The following BLMH variants were observed in gnomAD, a reference collection of about 807,000 sequenced individuals.
BLMH encodes BLM hydrolase.
Under a neutral mutation model 61.6 loss-of-function variants are expected in BLMH, and 32 were observed. That is an observed-to-expected ratio of 0.52 (90% CI 0.39 to 0.70). The LOEUF is 0.70. BLMH is among the 30% of genes least tolerant of loss of function. BLMH has a pLI of 0.00. For synonymous variants in BLMH, 183 were observed against 193.8 expected, an observed-to-expected ratio of 0.94 and a Z score of 0.46; for missense variants, 460 against 555.5, an observed-to-expected ratio of 0.83 and a Z score of 1.73.
intron 11 of BLMH, among the ~76,000 whole-genome samples, chr17:30,257,734 G>A (rs145057518): frequency 6.6e-6 from 1 of 152,290 alleles, no homozygotes; most frequent in East Asian, 1.9e-4. Context: ...CAACAATGCT[G>A]TGAGGAAAGA....
intron 6 of BLMH, among the ~76,000 whole-genome samples, chr17:30,280,826 T>C (rs967594346): frequency 6.6e-6 from 1 of 152,040 alleles, no homozygotes; most frequent in African/African-American, 2.4e-5. Flanking sequence ...GTCTCAAAGG[T>C]AAAACGACCT....
chr17:30,275,996 C>CT (rs1444990904), intron 6 of BLMH, among the ~76,000 whole-genome samples: 1 of 152,074 alleles, frequency 6.6e-6, no homozygotes, highest in Admixed American at 6.6e-5. Context: ...ATAATACCCT[C>CT]TCAAGGTATA....
At chr17:30,260,120 A>C (rs150990553) in intron 11 of BLMH, among the ~76,000 whole-genome samples, 10 of 152,248 alleles carry the variant, frequency 6.6e-5, no homozygotes, top group Admixed American at 6.5e-4. Flanking sequence ...GATAGGTCCA[A>C]TTATTATCCC....
chr17:30,281,960 T>C lies in BLMH; in HGVS notation c.645+3428A>G, dbSNP rs148003081. 1.1e-4 allele frequency among the ~76,000 whole-genome samples: 16 copies of C among 152,364 alleles called. No individual in the cohort carries two copies. The East Asian group carries it at 2.9e-3, about 28-fold the overall frequency. ...GGCCTATCCTATATATTGTTTTCAA[T>C]AGCTGACAGCCACTGCTATAGAATT... is the stretch of plus-strand genomic sequence containing the variant. On this transcript the variant is annotated intron_variant, in intron 6 of 11. Transcript: ENST00000261714.
At chr17:30,285,281 A>T in intron 6 of BLMH, 107 bp downstream of exon 6, 2 of 764,046 alleles carry the variant, frequency 2.6e-6, no homozygotes, top group Non-Finnish European at 4.1e-6. Context: ...CAATTCAATT[A>T]AACATTCGTT....
At chr17:30,262,829 CTAAA>C (rs2143020706) in intron 11 of BLMH, among the ~76,000 whole-genome samples, 1 of 152,198 alleles carries the variant, frequency 6.6e-6, no homozygotes, top group Non-Finnish European at 1.5e-5. Context: ...AAAAAAACAA[CTAAA>C]TAACCTTATT....
intron 5 of BLMH, 61 bp downstream of exon 5, chr17:30,286,753 A>T: frequency 7.8e-7 from 1 of 1,276,790 alleles, no homozygotes; most frequent in Non-Finnish European, 1.1e-6. Context: ...AACCCCTTTT[A>T]AAAAATAAGT....
chr17:30,284,949 G>A (rs962113346), intron 6 of BLMH, among the ~76,000 whole-genome samples: 1 of 152,138 alleles, frequency 6.6e-6, no homozygotes, highest in Non-Finnish European at 1.5e-5. Context: ...TCTTCCCTAT[G>A]AAAGCTTCAG....
intron 6 of BLMH, among the ~76,000 whole-genome samples, chr17:30,283,054 G>A (rs1290069932): frequency 6.6e-6 from 1 of 152,112 alleles, no homozygotes; most frequent in Non-Finnish European, 1.5e-5. Flanking sequence ...TGTAGTCCCA[G>A]CTACTTGGGT....
intron 3 of BLMH, 65 bp from the exon 4 acceptor site, chr17:30,288,012 T>G: frequency 6.8e-7 from 1 of 1,473,438 alleles, no homozygotes; most frequent in Non-Finnish European, 9.3e-7. Flanking sequence ...ATTGGCATTA[T>G]CAACAGAATG....
At position 30,287,254 on chromosome 17, in the gene BLMH, T is replaced by C. The variant is rs562419908; in HGVS notation, c.464-352A>G. 2.0e-5 allele frequency among the ~76,000 whole-genome samples: 3 copies of C among 152,300 alleles called. No homozygotes were observed. The East Asian group carries it at 5.8e-4, about 29-fold the overall frequency. On this transcript the variant is annotated intron_variant, in intron 4 of 11. Transcript: ENST00000261714. The stretch of plus-strand genomic sequence containing the variant: ...GTTACCCAGGCTGGTACTGAGCTCC[T>C]GGGCTTGAGCAATCCTCCTGCCCTG...
At chr17:30,261,092 A>G (rs1202623778) in intron 11 of BLMH, among the ~76,000 whole-genome samples, 1 of 152,184 alleles carries the variant, frequency 6.6e-6, no homozygotes, top group Non-Finnish European at 1.5e-5. Flanking sequence ...CTGGCCCAAC[A>G]TTGCCTAGTT....
At chr17:30,260,707 C>T (rs1017345226) in intron 11 of BLMH, among the ~76,000 whole-genome samples, 4 of 151,722 alleles carry the variant, frequency 2.6e-5, no homozygotes, top group African/African-American at 7.3e-5. Context: ...GGTGAAACAC[C>T]GTCTCTATTA....
chr17:30,291,047 G>C (rs1231880375), intron 2 of BLMH: 2 of 487,134 alleles, frequency 4.1e-6, no homozygotes, highest in Admixed American at 3.3e-5. Context: ...CACAGCATTG[G>C]AACATAATAT....
intron 11 of BLMH, chr17:30,250,347 CAG>C (rs1907638571): frequency 6.6e-6 from 1 of 152,116 alleles, no homozygotes; most frequent in Admixed American, 6.6e-5. Context: ...GACTAACACC[CAG>C]AGTCTACAAG....
intron 10 of BLMH, among the ~76,000 whole-genome samples, chr17:30,270,584 G>T (rs904070396): frequency 3.3e-5 from 5 of 151,900 alleles, no homozygotes; most frequent in Admixed American, 1.3e-4. Flanking sequence ...AGGCTAGAAA[G>T]AATATTTTTG....
At chr17:30,252,481 G>C (rs1597655253) in intron 11 of BLMH, among the ~76,000 whole-genome samples, 1 of 140,992 alleles carries the variant, frequency 7.1e-6, no homozygotes, top group South Asian at 2.2e-4. Flanking sequence ...TGGATTGCTT[G>C]AGCCCAGTTG....
intron 2 of BLMH, chr17:30,291,065 T>C: frequency 1.9e-6 from 1 of 537,470 alleles, no homozygotes. Context: ...TATAGTCAAT[T>C]ACACTCAAAC....
At chr17:30,282,271 T>A (rs1056836840) in intron 6 of BLMH, among the ~76,000 whole-genome samples, 7 of 148,880 alleles carry the variant, frequency 4.7e-5, no homozygotes, top group African/African-American at 1.8e-4. Flanking sequence ...TCACCCAGGC[T>A]GGACTGCAGT....
Sources: allele counts gnomAD v4.1 joint callset (sites outside exome capture counted in the v4.1 genomes callset), GRCh38; gene constraint gnomAD v4.1.1; transcripts MANE v1.5; gene names NCBI Gene and HGNC (gene_info 2026-07-23, HGNC 2026-07-21).